HEPACAM2: variants seen among roughly 807,000 people sequenced by gnomAD.
The protein encoded by HEPACAM2 is mitotic kinetics regulator.
HEPACAM2 carries 49 observed loss-of-function variants against 49.6 expected under a neutral mutation model. The ratio of observed to expected loss-of-function variants is 0.99; its 90% CI spans 0.78 to 1.25. The LOEUF (loss-of-function observed/expected upper bound fraction) is 1.25. Ranked by LOEUF, HEPACAM2 falls within the 50% of genes most tolerant of loss-of-function variation. The probability of loss-of-function intolerance (pLI) is 0.00; values close to 1 mark genes in which losing one functional copy is unlikely to be tolerated. For synonymous variants in HEPACAM2, 197 were observed against 202.9 expected, an observed-to-expected ratio of 0.97 and a Z score of 0.25; for missense variants, 525 against 557.2, an observed-to-expected ratio of 0.94 and a Z score of 0.58.
intron 1 of HEPACAM2, among the ~76,000 whole-genome samples, chr7:93,225,275 A>T (rs1794518819): frequency 6.6e-6 from 1 of 152,112 alleles, no homozygotes; most frequent in Non-Finnish European, 1.5e-5. Flanking sequence ...TTTTTCAAAA[A>T]ATTTTAGAAA....
rs1794532842 is a variant in HEPACAM2 at position 93,226,041 on chromosome 7, A to G, written c.79+327T>C. ...TCATGGCCTATTAGAATATTTGCTG[A>G]AATAAATGCATTAAAGACTATTGAA... On this transcript the variant is annotated intron_variant, in intron 1 of 9. Transcript: ENST00000394468. The G allele has an allele frequency of 5.1e-6, 3 of 592,024 alleles. No homozygotes were observed. The East Asian group carries it at 8.5e-5, about 17-fold the overall frequency. The allele number at this position is 592,024 out of a possible 1,614,324, so 36.7% of individuals were successfully genotyped here.
chr7:93,189,250 G>C lies in HEPACAM2; in HGVS notation c.*17C>G, dbSNP rs913312473. On this transcript the variant is annotated 3_prime_UTR_variant, in exon 10 of 10. Coordinates refer to ENST00000394468, the MANE Select transcript of HEPACAM2 (RefSeq NM_001039372.4). ...CTTCAGAATTTCACTCGAATGTACT[G>C]TTTAGCCCATGAAAGTTCACCTAGT... 6.3e-7 allele frequency: 1 copy of C among 1,591,636 alleles called. No individual in the cohort carries two copies. The highest frequency in any genetic ancestry group is 1.1e-5 in the South Asian group (1 of 89,500).
intron 3 of HEPACAM2, among the ~76,000 whole-genome samples, chr7:93,213,473 G>GA (rs200643806): frequency 1.3e-5 from 2 of 151,718 alleles, no homozygotes; most frequent in African/African-American, 2.4e-5. Context: ...TAAAGGTCAG[G>GA]AAAAAAAAGT....
intron 4 of HEPACAM2, 81 bp downstream of exon 4, chr7:93,208,499 C>T: frequency 8.7e-7 from 1 of 1,145,646 alleles, no homozygotes; most frequent in Non-Finnish European, 1.2e-6. Context: ...TTCTTTTCTA[C>T]CTAGGTATAA....
At position 93,188,711 on chromosome 7, in the gene HEPACAM2, A is replaced by C; in HGVS notation, c.*556T>G. 3 of 277,806 alleles carry C rather than the reference A, an allele frequency of 1.1e-5. No individual in the cohort carries two copies. 17.2% of individuals were successfully genotyped at this position (277,806 alleles called of 1,614,324 possible). ...CAAAAATACTACTGGTGATTGAAAA[A>C]AAAGAGAAGGCATAGTTTTGTTTTT... On this transcript the variant is annotated 3_prime_UTR_variant, in exon 10 of 10. Transcript: ENST00000394468.
Position 93,208,668 on chromosome 7 carries a change from C to T in HEPACAM2, c.924G>A (p.Gln308=). 1 of 1,613,202 alleles carries T rather than the reference C, an allele frequency of 6.2e-7. No individual in the cohort carries two copies. The highest frequency in any genetic ancestry group is 8.5e-7 in the Non-Finnish European group (1 of 1,179,426). Residue 308 remains glutamine, a synonymous_variant, in exon 4 of 10, where the codon CAG becomes CAA. Coordinates refer to ENST00000394468, the MANE Select transcript of HEPACAM2 (RefSeq NM_001039372.4). ...CACAGCACACATAGTCCATTGTCTT[C>T]TGGGCTACTTTCTCAGATGCAACTT... is the stretch of plus-strand genomic sequence containing the variant. ...RLEVASEKVA[Q]KTMDYVCCAY...
intron 8 of HEPACAM2, among the ~76,000 whole-genome samples, chr7:93,193,187 T>C (rs1453311748): frequency 6.6e-6 from 1 of 152,144 alleles, no homozygotes; most frequent in Non-Finnish European, 1.5e-5. Flanking sequence ...TCTGAAGAGT[T>C]CACTATCTCA....
At chr7:93,205,917 T>G (rs761871817) in intron 4 of HEPACAM2, among the ~76,000 whole-genome samples, 27 of 152,250 alleles carry the variant, frequency 1.8e-4, no homozygotes, top group Non-Finnish European at 3.1e-4. Flanking sequence ...GCTCTTCTTA[T>G]TTACTATAAT....
At chr7:93,196,021 T>G (rs1476810131) in intron 7 of HEPACAM2, 120 bp from the exon 8 acceptor site, 12 of 674,004 alleles carry the variant, frequency 1.8e-5, no homozygotes, top group Non-Finnish European at 3.1e-5. Context: ...AAAATGAATT[T>G]AACATTTCCT....
chr7:93,226,315 T>TAAAA, intron 1 of HEPACAM2, 53 bp downstream of exon 1: 6 of 1,124,640 alleles, frequency 5.3e-6, no homozygotes, highest in Admixed American at 2.2e-5. Context: ...TGTCCACAAT[T>TAAAA]AAAAAAAAAA....
At position 93,196,979 on chromosome 7, in the gene HEPACAM2, TCTC is replaced by T. The variant is rs535987542; in HGVS notation, c.1201+259_1201+261del. Among the ~76,000 whole-genome samples the T allele has an allele frequency of 5.5e-4, 83 of 151,556 alleles. 2 individuals carry two copies. In the South Asian group the frequency reaches 0.016, roughly 29 times the overall value. Reference sequence around the variant, plus strand: ...TACTGACTGTGGACAAGTGACTTAATCTCCTTGATTATTAGTTCTCTTGACTGT... The same window carrying T: ...TACTGACTGTGGACAAGTGACTTAATCTTGATTATTAGTTCTCTTGACTGT... On this transcript the variant is annotated intron_variant, in intron 7 of 9. Coordinates refer to ENST00000394468, the MANE Select transcript of HEPACAM2 (RefSeq NM_001039372.4).
chr7:93,214,387 T>G (rs1794251757), intron 3 of HEPACAM2, among the ~76,000 whole-genome samples: 2 of 152,188 alleles, frequency 1.3e-5, no homozygotes, highest in African/African-American at 4.8e-5. Context: ...AGATAATTCA[T>G]CTTTACAATG....
At chr7:93,212,452 G>C (rs1303077017) in intron 3 of HEPACAM2, among the ~76,000 whole-genome samples, 1 of 151,356 alleles carries the variant, frequency 6.6e-6, no homozygotes, top group East Asian at 1.9e-4. Flanking sequence ...TCAGTTCCTT[G>C]CTTCTGATAT....
chr7:93,219,587 A>C, intron 1 of HEPACAM2, 136 bp from the exon 2 acceptor site: 1 of 1,469,422 alleles, frequency 6.8e-7, no homozygotes, highest in Non-Finnish European at 9.1e-7. Flanking sequence ...CTATTCTAGT[A>C]CTGGTTACAT....
At chr7:93,218,970 G>T in intron 2 of HEPACAM2, 131 bp downstream of exon 2, 1 of 684,188 alleles carries the variant, frequency 1.5e-6, no homozygotes, top group Non-Finnish European at 2.5e-6. Flanking sequence ...ATGAGATATT[G>T]AGGCTTTGAG....
At chr7:93,208,004 G>C (rs1275348854) in intron 4 of HEPACAM2, among the ~76,000 whole-genome samples, 1 of 152,008 alleles carries the variant, frequency 6.6e-6, no homozygotes, top group Non-Finnish European at 1.5e-5. Context: ...ATCTTTGCGG[G>C]TTGATGACAT....
chr7:93,219,133 G>A lies in HEPACAM2; in HGVS notation c.398C>T (p.Ser133Phe). Residue 133 changes from serine to phenylalanine, a missense_variant, in exon 2 of 10, where the codon TCT becomes TTT. Physicochemically the swap from Ser to Phe is radical, Grantham distance 155. Transcript: ENST00000394468. ...CGTGACTTGTATCTTCTGACTGGCA[G>A]ATAGAGTTCCATTTCCCTGAATGTT... The part of the protein sequence containing the change: ...KVNIQGNGTL[S>F]ASQKIQVTVD... 6.2e-7 allele frequency: 1 copy of A among 1,613,910 alleles called. No homozygotes were observed. The highest frequency in any genetic ancestry group is 8.5e-7 in the Non-Finnish European group (1 of 1,179,874).
At position 93,193,390 on chromosome 7, in the gene HEPACAM2, G is replaced by A. The variant is rs1250321088; in HGVS notation, c.1276-1027C>T. On this transcript the variant is annotated intron_variant, in intron 8 of 9. Transcript: ENST00000394468. ...GATCAGCTCTTGATATTTGTTGTAT[G>A]AAGGTATTCAGGAGCTACGGTAAAA... Among the ~76,000 whole-genome samples, 5 of 152,110 alleles carry A rather than the reference G, an allele frequency of 3.3e-5. 1 individual carries two copies. The East Asian group carries it at 7.7e-4, about 23-fold the overall frequency.
chr7:93,204,379 CTCTG>C (rs1057497036), intron 4 of HEPACAM2, among the ~76,000 whole-genome samples: 10 of 150,672 alleles, frequency 6.6e-5, no homozygotes, highest in South Asian at 2.1e-4. Flanking sequence ...TCTATCATCT[CTCTG>C]TCTGTCTGTC....
Sources: allele counts gnomAD v4.1 joint callset (sites outside exome capture counted in the v4.1 genomes callset), GRCh38; gene constraint gnomAD v4.1.1; transcripts MANE v1.5; gene names NCBI Gene and HGNC (gene_info 2026-07-23, HGNC 2026-07-21).